Variants in KIF13A observed in about 807,000 individuals in gnomAD.
KIF13A encodes kinesin-like protein KIF13A.
In KIF13A, 79 loss-of-function variants were observed where a neutral mutation model predicts 212.2. The ratio of observed to expected loss-of-function variants is 0.37; its 90% confidence interval spans 0.31 to 0.45. KIF13A has a LOEUF of 0.45. KIF13A is among the 20% of genes least tolerant of loss of function. The pLI, the probability that KIF13A is intolerant of heterozygous loss-of-function variation, is 1.00. For missense variants in KIF13A, 1,901 were observed against 2,209.0 expected (o/e 0.86, Z 2.79); for synonymous variants, 789 against 808.6 (o/e 0.98, Z 0.41).
In KIF13A at chr6:17,775,046, G is replaced by T. The variant is rs200833262; in HGVS notation, c.4187C>A (p.Pro1396Gln). ...ATCTTCATCAAAGCCAGAAAGGTCCGGTCGGCTGGAAGAGACCTATAAGAG... is the reference window on the plus strand; with the variant it reads ...ATCTTCATCAAAGCCAGAAAGGTCCTGTCGGCTGGAAGAGACCTATAAGAG... The part of the protein sequence containing the change: ...PNVHNVSSSR[P>Q]DLSGFDEDDK... The change falls in exon 35 of 39, where the codon CCG becomes CAG. Residue 1396 changes from proline (P) to glutamine (Q), a missense_variant. Physicochemically the swap from Pro to Gln is moderately conservative, Grantham distance 76. This residue lies in a region of KIF13A where 687 missense variants were observed against 759.1 expected (regional missense o/e 0.90). Coordinates refer to ENST00000259711, the MANE Select transcript of KIF13A (RefSeq NM_022113.6). 3 of 1,611,780 alleles carry T rather than the reference G, an allele frequency of 1.9e-6. No individual in the cohort carries two copies. The highest frequency in any genetic ancestry group is 2.5e-6 in the Non-Finnish European group (3 of 1,178,860).
intron 2 of KIF13A, among the ~76,000 whole-genome samples, chr6:17,911,565 CAT>C (rs931790502): frequency 1.3e-5 from 2 of 152,008 alleles, no homozygotes; most frequent in Non-Finnish European, 2.9e-5. Context: ...ACAAACATCA[CAT>C]GTTCTCACTT....
At chr6:17,851,272 T>C (rs1347756761) in intron 7 of KIF13A, among the ~76,000 whole-genome samples, 2 of 152,192 alleles carry the variant, frequency 1.3e-5, no homozygotes, top group East Asian at 1.9e-4. Flanking sequence ...AGAGAATCAC[T>C]GCACAGATTA....
chr6:17,883,177 T>C lies in KIF13A; in HGVS notation c.160-9740A>G, dbSNP rs570066445. ...GAGTTCAAGACCAGCCTGGGCAACATAGTCTCTACAAAAAATAACATTAGC... is the reference window on the plus strand; with the variant it reads ...GAGTTCAAGACCAGCCTGGGCAACACAGTCTCTACAAAAAATAACATTAGC... On this transcript the variant is annotated intron_variant, in intron 3 of 38. Transcript: ENST00000259711. The surrounding 1 kb of genome is among the most constrained non-coding windows in gnomAD (Gnocchi z 4.8). 1.3e-5 allele frequency among the ~76,000 whole-genome samples: 2 copies of C among 152,002 alleles called. No homozygotes were observed. The highest frequency in any genetic ancestry group is 4.8e-5 in the African/African-American group (2 of 41,478).
intron 34 of KIF13A, among the ~76,000 whole-genome samples, 182 bp from the exon 35 acceptor site, chr6:17,775,244 T>G (rs911199425): frequency 2.0e-5 from 3 of 152,198 alleles, no homozygotes; most frequent in Non-Finnish European, 4.4e-5. Context: ...CATATAAGTT[T>G]TATATAATTG....
rs1355231834 is a variant in KIF13A at position 17,828,216 on chromosome 6, G to C, written c.1532+24C>G. The C allele has an allele frequency of 5.0e-6, 8 of 1,606,642 alleles. No homozygotes were observed. The highest frequency in any genetic ancestry group is 4.3e-6 in the Non-Finnish European group (5 of 1,176,056). On this transcript the variant is annotated intron_variant, in intron 14 of 38. Coordinates refer to ENST00000259711, the MANE Select transcript of KIF13A (RefSeq NM_022113.6). The surrounding 1 kb of genome is among the most constrained non-coding windows in gnomAD (Gnocchi z 4.3). Reference sequence around the variant, plus strand: ...TGAAAATAAGGCACACAAGACACGTGAAGTCACCATTTACTTTTCTTACCT... The same window carrying C: ...TGAAAATAAGGCACACAAGACACGTCAAGTCACCATTTACTTTTCTTACCT...
Position 17,839,357 on chromosome 6 carries a change from A to G in KIF13A, c.831-1774T>C, listed in dbSNP as rs1025091101. Among the ~76,000 whole-genome samples the G allele has an allele frequency of 7.9e-5, 12 of 152,246 alleles. No homozygotes were observed. Among genetic ancestry groups the G allele is most frequent in the Admixed American group, 3.9e-4 (6 of 15,284 alleles). ...AAACTTGTACATGAATATTCAAAGC[A>G]GCTTTATCCACAAAAGTCAAAATGT... On this transcript the variant is annotated intron_variant, in intron 9 of 38. Transcript: ENST00000259711. This position sits in a 1 kb window ranked among gnomAD's most constrained non-coding sequence, Gnocchi z 4.3.
chr6:17,885,452 G>A (rs933110562), intron 3 of KIF13A, among the ~76,000 whole-genome samples: 1 of 152,078 alleles, frequency 6.6e-6, no homozygotes, highest in Non-Finnish European at 1.5e-5. Flanking sequence ...CATTACAGTC[G>A]GCATGGACTG....
At chr6:17,979,767 G>GAA (rs775604671) in intron 2 of KIF13A, among the ~76,000 whole-genome samples, 1 of 133,098 alleles carries the variant, frequency 7.5e-6, no homozygotes, top group Non-Finnish European at 1.6e-5. Context: ...AAGATGGTTT[G>GAA]AAAAAAAAAA....
At chr6:17,979,601 G>A (rs1780876935) in intron 2 of KIF13A, among the ~76,000 whole-genome samples, 1 of 152,112 alleles carries the variant, frequency 6.6e-6, no homozygotes, top group African/African-American at 2.4e-5. Context: ...GAGTTTAGGT[G>A]AGATACAGTT....
chr6:17,884,892 G>A (rs1349486691), intron 3 of KIF13A, among the ~76,000 whole-genome samples: 1 of 152,176 alleles, frequency 6.6e-6, no homozygotes, highest in Non-Finnish European at 1.5e-5. Flanking sequence ...GCTTGCCAAT[G>A]TCCTGTTTTG....
chr6:17,972,838 A>AAAAAAAAG, intron 2 of KIF13A, among the ~76,000 whole-genome samples: 1 of 151,454 alleles, frequency 6.6e-6, no homozygotes, highest in African/African-American at 2.4e-5. Flanking sequence ...AGTGAGAAAA[A>AAAAAAAAG]AAAAAAAAAA....
intron 2 of KIF13A, among the ~76,000 whole-genome samples, chr6:17,981,877 A>G (rs1396790979): frequency 6.6e-6 from 1 of 152,136 alleles, no homozygotes; most frequent in Non-Finnish European, 1.5e-5. Context: ...ATTATGTATG[A>G]CTTTCACTAA....
In KIF13A at chr6:17,776,024, A is replaced by C. The variant is rs1358741205; in HGVS notation, c.4171-962T>G. On this transcript the variant is annotated intron_variant, in intron 34 of 38. Transcript: ENST00000259711. The surrounding 1 kb of genome is among the most constrained non-coding windows in gnomAD (Gnocchi z 4.6). ...CACCCGAGTAGCTGGGATTACAGGCACCTGCCACGATGCCCAGCTAATTTT... is the reference window on the plus strand; with the variant it reads ...CACCCGAGTAGCTGGGATTACAGGCCCCTGCCACGATGCCCAGCTAATTTT... Among the ~76,000 whole-genome samples, 3 of 151,918 alleles carry C rather than the reference A, an allele frequency of 2.0e-5. No homozygotes were observed.
At position 17,764,981 on chromosome 6, in the gene KIF13A, C is replaced by CT; in HGVS notation, c.4582-36dup. 6.8e-7 allele frequency: 1 copy of CT among 1,481,030 alleles called. No homozygotes were observed. The highest frequency in any genetic ancestry group is 9.2e-7 in the Non-Finnish European group (1 of 1,089,230). 91.7% of individuals were successfully genotyped at this position (1,481,030 alleles called of 1,614,324 possible). On this transcript the variant is annotated intron_variant, in intron 38 of 38. Transcript: ENST00000259711. This position sits in a 1 kb window ranked among gnomAD's most constrained non-coding sequence, Gnocchi z 5.1. ...TGAAGCAAAAGTCAGTCATTAGCTC[C>CT]TTGTAGCAACTGTACTGTTGAGACA...
Position 17,987,482 on chromosome 6 carries a change from G to GCCGCTCGCCGCGC in KIF13A, c.-32_-20dup, listed in dbSNP as rs764217534. 853 of 1,243,696 alleles carry GCCGCTCGCCGCGC rather than the reference G, an allele frequency of 6.9e-4. No homozygotes were observed. The highest frequency in any genetic ancestry group is 8.5e-4 in the Non-Finnish European group (810 of 954,036). 77.0% of individuals were successfully genotyped at this position (1,243,696 alleles called of 1,614,324 possible). A position where few individuals can be genotyped will look rare whatever the true frequency, so the allele number is the denominator to read the frequency against. ...CCGACATGTTGGCTGCGCTCGCCCGGCCGCTCGCCGCGCCCGCTCGGCCTT... is the reference window on the plus strand; with the variant it reads ...CCGACATGTTGGCTGCGCTCGCCCGGCCGCTCGCCGCGCCCGCTCGCCGCGCCCGCTCGGCCTT... On this transcript the variant is annotated 5_prime_UTR_variant, in exon 1 of 39. Coordinates refer to ENST00000259711, the MANE Select transcript of KIF13A (RefSeq NM_022113.6). The surrounding 1 kb of genome is among the most constrained non-coding windows in gnomAD (Gnocchi z 7.7).
At chr6:17,896,824 A>G (rs750061611) in intron 3 of KIF13A, among the ~76,000 whole-genome samples, 3 of 152,188 alleles carry the variant, frequency 2.0e-5, no homozygotes, top group African/African-American at 7.2e-5. Context: ...GGAGTTGCGC[A>G]GTATTTCACT....
chr6:17,763,489 A>AAG (rs1355818283), downstream of KIF13A, among the ~76,000 whole-genome samples: 17 of 145,676 alleles, frequency 1.2e-4, no homozygotes, highest in South Asian at 4.2e-4. Context: ...AAAAAAAAAA[A>AAG]AAAAAAGAAA....
rs940311437 is a variant in KIF13A, at chr6:17,895,545, C to T, written c.159+2623G>A. 4.6e-5 allele frequency among the ~76,000 whole-genome samples: 7 copies of T among 152,154 alleles called. No individual in the cohort carries two copies. Among genetic ancestry groups the T allele is most frequent in the African/African-American group, 1.7e-4 (7 of 41,436 alleles). On this transcript the variant is annotated intron_variant, in intron 3 of 38. Transcript: ENST00000259711. This position sits in a 1 kb window ranked among gnomAD's most constrained non-coding sequence, Gnocchi z 4.4. ...GGTTTACCTCTGTTTCACCTTCATA[C>T]CCTACCCCTGGCTGCATCTCAATCC...
chr6:17,762,750 GGTGA>G, downstream of KIF13A, among the ~76,000 whole-genome samples: 1 of 152,272 alleles, frequency 6.6e-6, no homozygotes, highest in East Asian at 1.9e-4. Context: ...CAAGAATGGT[GGTGA>G]GTGACTCTAT....
Sources: gnomAD v4.1 joint callset for allele counts (sites outside exome capture counted in the v4.1 genomes callset) on GRCh38, gnomAD v4.1.1 for gene constraint, gnomAD v4.1.1 regional missense constraint, Gnocchi (gnomAD v3.1) non-coding constraint, MANE v1.5 for transcripts, NCBI Gene and HGNC (gene_info 2026-07-23, HGNC 2026-07-21) for gene names.